The following SRD5A1 variants were observed in gnomAD, a reference collection of about 807,000 sequenced individuals.
SRD5A1 encodes 3-oxo-5-alpha-steroid 4-dehydrogenase 1.
SRD5A1 carries 22 observed loss-of-function variants against 28.2 expected under a neutral mutation model. The observed-to-expected ratio is 0.78, with a 90% CI of 0.56 to 1.12. The LOEUF is 1.12. Ranked by LOEUF, SRD5A1 falls within the 50% of genes most tolerant of loss-of-function variation. The pLI is 0.00. For synonymous variants in SRD5A1, 151 were observed against 135.0 expected, an observed-to-expected ratio of 1.12 and a Z score of -0.82; for missense variants, 300 against 346.7, an observed-to-expected ratio of 0.87 and a Z score of 1.07.
chr5:6,651,752 A>T (rs1296341625), intron 1 of SRD5A1, 90 bp from the exon 2 acceptor site: 3 of 1,247,434 alleles, frequency 2.4e-6, no homozygotes, highest in African/African-American at 1.5e-5. Flanking sequence ...CAAGAAAGTA[A>T]GATTTAAAAC....
chr5:6,670,196 A>G lies in SRD5A1; in HGVS notation c.*1928A>G, dbSNP rs1579421343. ...TTAACTAAGTGGGGAAAACCAGAGAACTAGGTGTTGGCATCCCAGGAAAAA... is the reference window on the plus strand; with the variant it reads ...TTAACTAAGTGGGGAAAACCAGAGAGCTAGGTGTTGGCATCCCAGGAAAAA... On this transcript the variant is annotated 3_prime_UTR_variant, in exon 5 of 5. Coordinates refer to ENST00000274192, the MANE Select transcript of SRD5A1 (RefSeq NM_001047.4). 1 of 152,296 alleles carries G rather than the reference A, an allele frequency of 6.6e-6. No individual in the cohort carries two copies. The highest frequency in any genetic ancestry group is 2.4e-5 in the African/African-American group (1 of 41,540). The allele number at this position is 152,296 out of a possible 1,614,324, so 9.4% of individuals were successfully genotyped here. A position where few individuals can be genotyped will look rare whatever the true frequency, so the allele number is the denominator to read the frequency against.
In SRD5A1 at chr5:6,672,368, CG is replaced by C. The variant is rs1384683837; in HGVS notation, c.*4103del. ...TTGGCTCACTGCAAGCTGTGCCTCC[CG>C]GGTTCAAACAATTCTTCTGCCTCAG... is the stretch of plus-strand genomic sequence containing the variant. On this transcript the variant is annotated 3_prime_UTR_variant, in exon 5 of 5. Coordinates refer to ENST00000274192, the MANE Select transcript of SRD5A1 (RefSeq NM_001047.4). 3.3e-5 allele frequency: 5 copies of C among 152,258 alleles called. No individual in the cohort carries two copies. The highest frequency in any genetic ancestry group is 1.2e-4 in the African/African-American group (5 of 41,438). 9.4% of individuals were successfully genotyped at this position (152,258 alleles called of 1,614,324 possible).
chr5:6,654,554 C>T (rs2126541766), intron 2 of SRD5A1, among the ~76,000 whole-genome samples: 1 of 152,272 alleles, frequency 6.6e-6, no homozygotes, highest in Admixed American at 6.5e-5. Context: ...GTGCCTCAAC[C>T]TCAGAGTAGC....
chr5:6,666,842 C>G (rs1579418617), intron 4 of SRD5A1, among the ~76,000 whole-genome samples: 1 of 152,146 alleles, frequency 6.6e-6, no homozygotes, highest in Admixed American at 6.5e-5. Context: ...TCCTGTGTTT[C>G]CCATCTCCCA....
intron 1 of SRD5A1, chr5:6,645,087 C>T (rs1301597805): frequency 1.4e-5 from 6 of 431,624 alleles, no homozygotes; most frequent in African/African-American, 1.0e-4. Flanking sequence ...AGATGAGAAC[C>T]TTGGAGGCTG....
intron 1 of SRD5A1, chr5:6,645,062 G>C (rs1257730719): frequency 2.2e-6 from 1 of 451,386 alleles, no homozygotes; most frequent in Non-Finnish European, 4.5e-6. Flanking sequence ...CTTCCTAGGG[G>C]TCCTGGCCTG....
chr5:6,653,305 C>T (rs1738734069), intron 2 of SRD5A1: 1 of 152,200 alleles, frequency 6.6e-6, no homozygotes, highest in South Asian at 2.1e-4. Flanking sequence ...GTTTCAAGAT[C>T]CTTTTCTAGC....
chr5:6,637,425 T>C (rs1203300223), intron 1 of SRD5A1, among the ~76,000 whole-genome samples: 2 of 152,212 alleles, frequency 1.3e-5, no homozygotes, highest in Non-Finnish European at 2.9e-5. Context: ...TTGTAAATCC[T>C]GCTTTGCTAG....
At chr5:6,650,833 C>T (rs1423705379) in intron 1 of SRD5A1, among the ~76,000 whole-genome samples, 2 of 142,398 alleles carry the variant, frequency 1.4e-5, no homozygotes, top group East Asian at 4.6e-4. Context: ...GTGATGTTCC[C>T]CTTCCTGTGT....
intron 1 of SRD5A1, among the ~76,000 whole-genome samples, chr5:6,647,017 T>C (rs1363880627): frequency 6.6e-6 from 1 of 152,178 alleles, no homozygotes; most frequent in Non-Finnish European, 1.5e-5. Context: ...TTATTTCTGC[T>C]TTCATTTTGT....
At chr5:6,633,990 C>T in intron 1 of SRD5A1, 121 bp downstream of exon 1, 1 of 1,096,468 alleles carries the variant, frequency 9.1e-7, no homozygotes, top group South Asian at 1.4e-5. Flanking sequence ...CTCTCCCTGC[C>T]AGATCCCCCG....
At chr5:6,640,604 C>T (rs1231707366) in intron 1 of SRD5A1, among the ~76,000 whole-genome samples, 1 of 151,330 alleles carries the variant, frequency 6.6e-6, no homozygotes, top group African/African-American at 2.4e-5. Context: ...TGGGCTCAAA[C>T]AGTCCTCCTT....
intron 1 of SRD5A1, among the ~76,000 whole-genome samples, chr5:6,643,786 A>G (rs1295102661): frequency 2.6e-5 from 4 of 152,028 alleles, no homozygotes; most frequent in Admixed American, 2.0e-4. Flanking sequence ...CCGATAACCT[A>G]CTTTGGTTGC....
At chr5:6,645,961 A>G (rs1454796266) in intron 1 of SRD5A1, among the ~76,000 whole-genome samples, 1 of 152,160 alleles carries the variant, frequency 6.6e-6, no homozygotes, top group Admixed American at 6.5e-5. Context: ...CGTGATCTGC[A>G]TTAGGTATTT....
rs188969180 is a variant in SRD5A1 at position 6,655,232 on chromosome 5, C to T, written c.461-846C>T. Among the ~76,000 whole-genome samples the T allele has an allele frequency of 1.8e-3, 276 of 152,324 alleles. 3 individuals are homozygous for T. The highest frequency in any genetic ancestry group is 0.011 in the East Asian group (56 of 5,192). On this transcript the variant is annotated intron_variant, in intron 2 of 4. Transcript: ENST00000274192. ...AGCACTAAGCAGCATCTGTCTTTCC[C>T]ATTTTAAAAAAGTATATCAGAACCA...
intron 1 of SRD5A1, among the ~76,000 whole-genome samples, chr5:6,647,921 A>G (rs1738554816): frequency 3.3e-5 from 5 of 151,988 alleles, no homozygotes; most frequent in Admixed American, 3.3e-4. Context: ...GTTCCTTTCC[A>G]TGTTTAGTGC....
chr5:6,666,272 T>A (rs1016294995), intron 4 of SRD5A1, among the ~76,000 whole-genome samples: 2 of 152,022 alleles, frequency 1.3e-5, no homozygotes, highest in Non-Finnish European at 2.9e-5. Flanking sequence ...CTCAGCCTCC[T>A]GAGTAGCTGG....
chr5:6,668,991 C>CT lies in SRD5A1; in HGVS notation c.*726dup, dbSNP rs1739279361. 1.3e-5 allele frequency: 2 copies of CT among 152,330 alleles called. No individual in the cohort carries two copies. Among genetic ancestry groups the CT allele is most frequent in the South Asian group, 4.1e-4 (2 of 4,826 alleles). The allele number at this position is 152,330 out of a possible 1,614,324, so 9.4% of individuals were successfully genotyped here. A position where few individuals can be genotyped will look rare whatever the true frequency, so the allele number is the denominator to read the frequency against. On this transcript the variant is annotated 3_prime_UTR_variant, in exon 5 of 5. Transcript: ENST00000274192. ...TGGCTCCTGGGCCCTAAACAGGCACCTTTAGGCCATGGGTCACTCACCGTG... is the reference window on the plus strand; with the variant it reads ...TGGCTCCTGGGCCCTAAACAGGCACCTTTTAGGCCATGGGTCACTCACCGTG...
intron 2 of SRD5A1, among the ~76,000 whole-genome samples, chr5:6,655,618 C>A (rs532021881): frequency 1.1e-4 from 16 of 152,264 alleles, no homozygotes; most frequent in Non-Finnish European, 5.9e-5. Context: ...TGCCACCCTT[C>A]AAGGGGTGAC....
Sources: allele counts gnomAD v4.1 joint callset (sites outside exome capture counted in the v4.1 genomes callset), GRCh38; gene constraint gnomAD v4.1.1; transcripts MANE v1.5; gene names NCBI Gene and HGNC (gene_info 2026-07-23, HGNC 2026-07-21).